Variants in SCNN1B observed in about 807,000 individuals in gnomAD.
SCNN1B encodes sodium channel epithelial 1 subunit beta.
SCNN1B carries 46 observed loss-of-function variants against 65.3 expected under a neutral mutation model. The observed-to-expected ratio is 0.70, with a 90% CI of 0.56 to 0.90. The LOEUF (loss-of-function observed/expected upper bound fraction) is 0.90. Among genes scored for constraint, SCNN1B ranks in the 40% least tolerant of loss-of-function variants. SCNN1B has a pLI of 0.00. For synonymous variants in SCNN1B, 349 were observed against 330.6 expected, an observed-to-expected ratio of 1.06 and a Z score of -0.60; for missense variants, 751 against 830.5, an observed-to-expected ratio of 0.90 and a Z score of 1.18.
At chr16:23,343,651 A>AGAAAGAAAG (rs1555487085) in intron 1 of SCNN1B, among the ~76,000 whole-genome samples, 2 of 91,130 alleles carry the variant, frequency 2.2e-5, no homozygotes, top group Admixed American at 1.0e-4. Flanking sequence ...AAGAAAGAAA[A>AGAAAGAAAG]AAAGAAAGGA....
chr16:23,365,563 GAAA>G (rs1309720345), intron 4 of SCNN1B, among the ~76,000 whole-genome samples: 1 of 79,418 alleles, frequency 1.3e-5, no homozygotes, highest in Non-Finnish European at 2.2e-5. Context: ...GAAAGAGAAA[GAAA>G]GAAAGAAAGA....
chr16:23,367,042 C>CA (rs1962683766), intron 4 of SCNN1B, among the ~76,000 whole-genome samples: 1 of 152,140 alleles, frequency 6.6e-6, no homozygotes, highest in Non-Finnish European at 1.5e-5. Context: ...GCCCCTGCCT[C>CA]AGTCTTCAAT....
At position 23,336,395 on chromosome 16, in the gene SCNN1B, C is replaced by T. The variant is rs1166947970; in HGVS notation, c.-8-12197C>T. Among the ~76,000 whole-genome samples the T allele has an allele frequency of 3.7e-5, 5 of 135,574 alleles. No individual in the cohort carries two copies. In the East Asian group the frequency reaches 6.7e-4, roughly 18 times the overall value. 88.9% of individuals were successfully genotyped at this position (135,574 alleles called of 152,430 possible). A position where few individuals can be genotyped will look rare whatever the true frequency, so the allele number is the denominator to read the frequency against. On this transcript the variant is annotated intron_variant, in intron 1 of 12. Transcript: ENST00000343070. ...GATTTTTTTTTTTTTTTTTTTGAGA[C>T]GGAGTCTCGCTCTGTCGCCAGGCTG...
intron 1 of SCNN1B, among the ~76,000 whole-genome samples, chr16:23,347,636 G>A (rs189466741): frequency 9.8e-5 from 15 of 152,302 alleles, no homozygotes; most frequent in African/African-American, 2.2e-4. Flanking sequence ...GACCAGGTGC[G>A]GTGGTTCATG....
chr16:23,284,187 C>G (rs1487271161), intron 2 of SCNN1B, among the ~76,000 whole-genome samples: 3 of 152,066 alleles, frequency 2.0e-5, no homozygotes. Context: ...GGCGGATCAC[C>G]TGAGGTCAGG....
chr16:23,365,587 G>GAAAGAAAGAGAAAGAA (rs373917735), intron 4 of SCNN1B, among the ~76,000 whole-genome samples: 6 of 86,956 alleles, frequency 6.9e-5, no homozygotes, highest in African/African-American at 3.1e-4. Context: ...AAGAAAGAAA[G>GAAAGAAAGAGAAAGAA]AGAAAGAAAG....
In SCNN1B at chr16:23,348,927, T is replaced by G; in HGVS notation, c.311+17T>G. ...CCCCTTCAAGTAGGTGGCCCCGGAG[T>G]GCACAGCTGGCCTCAGCAGACAGGC... On this transcript the variant is annotated intron_variant, in intron 2 of 12. Coordinates refer to ENST00000343070, the MANE Select transcript of SCNN1B (RefSeq NM_000336.3). This position sits in a 1 kb window ranked among gnomAD's most constrained non-coding sequence, Gnocchi z 4.5. 6.2e-7 allele frequency: 1 copy of G among 1,610,436 alleles called. No homozygotes were observed. Among genetic ancestry groups the G allele is most frequent in the Non-Finnish European group, 8.5e-7 (1 of 1,176,774 alleles).
At chr16:23,305,548 ATATAT>A (rs1961184469) in intron 1 of SCNN1B, among the ~76,000 whole-genome samples, 1 of 35,252 alleles carries the variant, frequency 2.8e-5, no homozygotes, top group Non-Finnish European at 4.1e-5. Context: ...ATATATATAT[ATATAT>A]ATATATATAT....
intron 4 of SCNN1B, among the ~76,000 whole-genome samples, chr16:23,365,587 G>GAAAGAAAGAGAA (rs373917735): frequency 3.4e-5 from 3 of 86,958 alleles, no homozygotes; most frequent in Admixed American, 2.2e-4. Context: ...AAGAAAGAAA[G>GAAAGAAAGAGAA]AGAAAGAAAG....
Position 23,371,377 on chromosome 16 carries a change from T to G in SCNN1B, c.959T>G (p.Leu320Arg). Reference protein sequence around the residue: ...LASTAGVRLMLHEQRSYPFIR... With the variant: ...LASTAGVRLMRHEQRSYPFIR... ...TCCACGGCCGGGGTCAGGCTGATGC[T>G]TCACGAGCAGAGGTCATACCCCTTC... The change falls in exon 6 of 13, where the codon CTT becomes CGT. Residue 320 changes from leucine (L) to arginine (R), a missense_variant. Transcript: ENST00000343070. 1.9e-6 allele frequency: 3 copies of G among 1,614,126 alleles called. No homozygotes were observed. Among genetic ancestry groups the G allele is most frequent in the Non-Finnish European group, 2.5e-6 (3 of 1,180,002 alleles).
chr16:23,278,753 AC>A (rs897525739), intron 1 of SCNN1B, among the ~76,000 whole-genome samples: 9 of 149,858 alleles, frequency 6.0e-5, no homozygotes, highest in African/African-American at 2.2e-4. Context: ...CAACATAGTG[AC>A]CCCCCCACCC....
chr16:23,282,469 A>G (rs1960796971), intron 1 of SCNN1B, among the ~76,000 whole-genome samples: 1 of 152,220 alleles, frequency 6.6e-6, no homozygotes, highest in South Asian at 2.1e-4. Context: ...TCACAAAGCA[A>G]ATAAGTACAG....
intron 11 of SCNN1B, 91 bp downstream of exon 11, chr16:23,378,858 A>G: frequency 3.4e-6 from 4 of 1,178,678 alleles, no homozygotes; most frequent in Non-Finnish European, 5.1e-6. Flanking sequence ...CTCCTCAGAC[A>G]CATTCTCACA....
chr16:23,294,931 G>A (rs1446949273), intron 2 of SCNN1B, among the ~76,000 whole-genome samples: 1 of 151,710 alleles, frequency 6.6e-6, no homozygotes, highest in Admixed American at 6.6e-5. Context: ...AGGTGGAGGT[G>A]GCAGTGAGCC....
intron 3 of SCNN1B, among the ~76,000 whole-genome samples, chr16:23,354,885 A>G (rs1307765933): frequency 6.6e-6 from 1 of 152,174 alleles, no homozygotes; most frequent in East Asian, 1.9e-4. Context: ...GTTTTTGCCC[A>G]TGCATAATGG....
chr16:23,355,271 C>T lies in SCNN1B; in HGVS notation c.586-28C>T, dbSNP rs550304891. On this transcript the variant is annotated intron_variant, in intron 3 of 12. Transcript: ENST00000343070. ...GTCCTGCTAGCAGCTCCCACGCCAC[C>T]CACAAAAACCCCTCTTGGCCTCCAC... The T allele has an allele frequency of 1.5e-5, 25 of 1,613,116 alleles. No homozygotes were observed. In the South Asian group the frequency reaches 2.2e-4, roughly 14 times the overall value.
At position 23,380,942 on chromosome 16, in the gene SCNN1B, C is replaced by T; in HGVS notation, c.*141C>T. The T allele has an allele frequency of 1.1e-6, 1 of 889,536 alleles. No individual in the cohort carries two copies. Among genetic ancestry groups the T allele is most frequent in the Non-Finnish European group, 1.9e-6 (1 of 536,350 alleles). 55.1% of individuals were successfully genotyped at this position (889,536 alleles called of 1,614,324 possible). On this transcript the variant is annotated 3_prime_UTR_variant, in exon 13 of 13. Coordinates refer to ENST00000343070, the MANE Select transcript of SCNN1B (RefSeq NM_000336.3). This position sits in a 1 kb window ranked among gnomAD's most constrained non-coding sequence, Gnocchi z 5.4. ...GAGCTTGTGTCCTTCAACAGAGAGG[C>T]CAGCGGCAACTGGTCCGTTACTGGC...
intron 1 of SCNN1B, among the ~76,000 whole-genome samples, chr16:23,338,415 A>G (rs1294770574): frequency 6.6e-6 from 1 of 152,222 alleles, no homozygotes; most frequent in Non-Finnish European, 1.5e-5. Context: ...AGGCAGAAAC[A>G]TGCAAGATTT....
chr16:23,371,266 G>T, intron 5 of SCNN1B, 33 bp from the exon 6 acceptor site: 1 of 1,612,722 alleles, frequency 6.2e-7, no homozygotes, highest in Non-Finnish European at 8.5e-7. Context: ...TCAGGAGAAA[G>T]TTCAGGCAGC....
Sources: gnomAD v4.1 joint callset for allele counts (sites outside exome capture counted in the v4.1 genomes callset) on GRCh38, gnomAD v4.1.1 for gene constraint, Gnocchi (gnomAD v3.1) non-coding constraint, MANE v1.5 for transcripts, NCBI Gene and HGNC (gene_info 2026-07-23, HGNC 2026-07-21) for gene names.